Variants in KCNG3 observed in about 807,000 individuals in gnomAD.
The protein encoded by KCNG3 is potassium voltage-gated channel modifier subfamily G member 3.
Under a neutral mutation model 29.0 loss-of-function variants are expected in KCNG3, and 15 were observed. That is an observed-to-expected ratio of 0.52 (90% CI 0.35 to 0.80). The LOEUF is 0.80. Among genes scored for constraint, KCNG3 ranks in the 30% least tolerant of loss-of-function variants. The pLI is 0.01. For missense variants in KCNG3, 512 were observed against 605.7 expected (o/e 0.85, Z 1.62); for synonymous variants, 322 against 248.9 (o/e 1.29, Z -2.76).
chr2:42,419,124 A>T, the KCNG3 span, among the ~76,000 whole-genome samples: 1 of 140,590 alleles, frequency 7.1e-6, no homozygotes, highest in East Asian at 2.3e-4. Context: ...TGTGCGTTTT[A>T]GCTGTTCAGA....
At chr2:42,395,393 T>C in the KCNG3 span, among the ~76,000 whole-genome samples, 1 of 152,054 alleles carries the variant, frequency 6.6e-6, no homozygotes, top group African/African-American at 2.4e-5. Flanking sequence ...GGAAGACTGG[T>C]GGAAAGGCTG....
At chr2:42,425,761 G>A in the KCNG3 span, among the ~76,000 whole-genome samples, 4 of 152,130 alleles carry the variant, frequency 2.6e-5, no homozygotes, top group African/African-American at 7.2e-5. Context: ...ATATGAAAGC[G>A]GGTCAAAGAT....
intron 1 of KCNG3, among the ~76,000 whole-genome samples, chr2:42,461,074 T>C (rs1320090696): frequency 6.7e-6 from 1 of 149,248 alleles, no homozygotes; most frequent in Non-Finnish European, 1.5e-5. Flanking sequence ...GGCAGGAGGA[T>C]GGCGTGAACT....
At chr2:42,422,890 C>T in the KCNG3 span, among the ~76,000 whole-genome samples, 1 of 152,144 alleles carries the variant, frequency 6.6e-6, no homozygotes, top group African/African-American at 2.4e-5. Flanking sequence ...CCTTGTTGGG[C>T]CCTTCAACCC....
chr2:42,407,999 C>G, the KCNG3 span, among the ~76,000 whole-genome samples: 1 of 152,206 alleles, frequency 6.6e-6, no homozygotes, highest in African/African-American at 2.4e-5. Context: ...CTGTTGGTGC[C>G]CACGCCGATC....
rs2103657794 is a variant in KCNG3 at position 42,442,679 on chromosome 2, T to C, written c.*1255A>G. 6.6e-6 allele frequency: 1 copy of C among 152,354 alleles called. No individual in the cohort carries two copies. The highest frequency in any genetic ancestry group is 6.5e-5 in the Admixed American group (1 of 15,298). The allele number at this position is 152,354 out of a possible 1,614,324, so 9.4% of individuals were successfully genotyped here. ...GTGTTTATATATACACTAACTTCTT[T>C]ATGGTAACTGGTTGAAAAAGCAAAA... is the stretch of plus-strand genomic sequence containing the variant. On this transcript the variant is annotated 3_prime_UTR_variant, in exon 2 of 2. Transcript: ENST00000306078.
At chr2:42,436,939 A>C in the KCNG3 span, among the ~76,000 whole-genome samples, 2 of 152,178 alleles carry the variant, frequency 1.3e-5, no homozygotes, top group Non-Finnish European at 2.9e-5. Flanking sequence ...AATTTTTTTT[A>C]AAATCTCCTT....
chr2:42,445,585 C>T (rs1444628321), intron 1 of KCNG3, among the ~76,000 whole-genome samples: 1 of 152,226 alleles, frequency 6.6e-6, no homozygotes, highest in African/African-American at 2.4e-5. Flanking sequence ...ACCACAAATA[C>T]TTTGTATTCC....
At chr2:42,431,694 T>A in the KCNG3 span, among the ~76,000 whole-genome samples, 2 of 152,198 alleles carry the variant, frequency 1.3e-5, no homozygotes, top group South Asian at 4.1e-4. Context: ...CATAATTCCC[T>A]AAAGGAATTT....
At position 42,444,609 on chromosome 2, in the gene KCNG3, A is replaced by T; in HGVS notation, c.666-30T>A. On this transcript the variant is annotated intron_variant, in intron 1 of 1. Transcript: ENST00000306078. This position sits in a 1 kb window ranked among gnomAD's most constrained non-coding sequence, Gnocchi z 5.8. ...CAAGAGAACAAAAGAAGAATTGATC[A>T]TTTTATTTTTAAGCATTTTAATAGC... 6.4e-7 allele frequency: 1 copy of T among 1,566,194 alleles called. No homozygotes were observed. Among genetic ancestry groups the T allele is most frequent in the Non-Finnish European group, 8.6e-7 (1 of 1,156,078 alleles).
the KCNG3 span, among the ~76,000 whole-genome samples, chr2:42,401,361 G>C: frequency 6.6e-6 from 1 of 150,406 alleles, no homozygotes; most frequent in Non-Finnish European, 1.5e-5. Context: ...TAAATTAAAA[G>C]ACAATAGACT....
chr2:42,438,637 A>G (rs969612468), downstream of KCNG3, among the ~76,000 whole-genome samples: 6 of 152,246 alleles, frequency 3.9e-5, no homozygotes, highest in African/African-American at 1.4e-4. Context: ...TTCTAAGCAA[A>G]TAGTAGTAAA....
At chr2:42,393,205 T>C in the KCNG3 span, among the ~76,000 whole-genome samples, 3 of 151,694 alleles carry the variant, frequency 2.0e-5, no homozygotes, top group African/African-American at 4.8e-5. Flanking sequence ...CAATAAGTGA[T>C]TATTATGATA....
At chr2:42,482,379 G>C (rs956240015) in intron 1 of KCNG3, among the ~76,000 whole-genome samples, 1 of 152,042 alleles carries the variant, frequency 6.6e-6, no homozygotes, top group African/African-American at 2.4e-5. Flanking sequence ...AGAAGTTCAA[G>C]ACCAGAATGG....
At chr2:42,448,835 G>A (rs1043347741) in intron 1 of KCNG3, among the ~76,000 whole-genome samples, 9 of 152,200 alleles carry the variant, frequency 5.9e-5, no homozygotes, top group African/African-American at 9.6e-5. Flanking sequence ...GAAATTAGCC[G>A]GGCGCAGTGG....
chr2:42,452,808 G>A (rs1406368660), intron 1 of KCNG3, among the ~76,000 whole-genome samples: 2 of 151,372 alleles, frequency 1.3e-5, no homozygotes, highest in Non-Finnish European at 2.9e-5. Context: ...TTGAGATGAA[G>A]TCTCACTCTG....
chr2:42,434,168 A>G, the KCNG3 span, among the ~76,000 whole-genome samples: 7 of 152,280 alleles, frequency 4.6e-5, no homozygotes, highest in South Asian at 1.0e-3. Flanking sequence ...AATACAAGGA[A>G]TGGCCAGGCA....
chr2:42,445,274 C>T (rs918990463), intron 1 of KCNG3, among the ~76,000 whole-genome samples: 4 of 152,054 alleles, frequency 2.6e-5, no homozygotes, highest in African/African-American at 7.3e-5. Flanking sequence ...AGCTGTGATA[C>T]GAGTTCTGAG....
At chr2:42,452,797 T>G (rs1354930318) in intron 1 of KCNG3, among the ~76,000 whole-genome samples, 2 of 122,028 alleles carry the variant, frequency 1.6e-5, no homozygotes, top group Admixed American at 1.8e-4. Context: ...GTGTGTGTGT[T>G]TTGAGATGAA....
Sources: allele counts gnomAD v4.1 joint callset (sites outside exome capture counted in the v4.1 genomes callset), GRCh38; gene constraint gnomAD v4.1.1; non-coding constraint Gnocchi (gnomAD v3.1); transcripts MANE v1.5; gene names NCBI Gene and HGNC (gene_info 2026-07-23, HGNC 2026-07-21).